Variants in CDH20 observed in about 807,000 individuals in gnomAD.
CDH20 encodes the protein cadherin-20.
A neutral mutation model predicts 74.2 loss-of-function variants in CDH20; 29 were observed. That is an observed-to-expected ratio of 0.39 (90% CI 0.29 to 0.53). The LOEUF (loss-of-function observed/expected upper bound fraction) is 0.53. CDH20 is among the 20% of genes least tolerant of loss of function. The probability of loss-of-function intolerance (pLI) is 0.69; values close to 1 mark genes in which losing one functional copy is unlikely to be tolerated. For synonymous variants in CDH20, 469 were observed against 405.4 expected (o/e 1.16, Z -1.88); for missense variants, 988 against 1,048.3 (o/e 0.94, Z 0.79).
chr18:61,402,315 C>T (rs1912181087), intron 1 of CDH20, among the ~76,000 whole-genome samples: 1 of 152,100 alleles, frequency 6.6e-6, no homozygotes, highest in South Asian at 2.1e-4. Flanking sequence ...GTAACTTGGG[C>T]CTCAGCAAAT....
intron 2 of CDH20, among the ~76,000 whole-genome samples, chr18:61,497,345 A>G (rs1202058099): frequency 6.6e-6 from 1 of 152,182 alleles, no homozygotes; most frequent in Non-Finnish European, 1.5e-5. Flanking sequence ...CACAACCTCC[A>G]AACCCATCCC....
chr18:61,542,378 G>A (rs948505190), intron 9 of CDH20, among the ~76,000 whole-genome samples: 1 of 152,206 alleles, frequency 6.6e-6, no homozygotes, highest in East Asian at 1.9e-4. Flanking sequence ...CCCTGAGATG[G>A]AGTTCCAGTA....
At chr18:61,355,864 A>C (rs919594583) in intron 1 of CDH20, among the ~76,000 whole-genome samples, 5 of 152,226 alleles carry the variant, frequency 3.3e-5, no homozygotes, top group Non-Finnish European at 5.9e-5. Context: ...AAGTCAGATA[A>C]AAGTCTTAGC....
chr18:61,528,450 C>CACATACAT (rs569065551), intron 7 of CDH20, among the ~76,000 whole-genome samples: 1 of 145,542 alleles, frequency 6.9e-6, no homozygotes, highest in Non-Finnish European at 1.5e-5. Flanking sequence ...GGTTGAGACA[C>CACATACAT]ACACACACAC....
At chr18:61,497,911 GCTGA>G (rs1340735510) in intron 2 of CDH20, among the ~76,000 whole-genome samples, 3 of 152,108 alleles carry the variant, frequency 2.0e-5, no homozygotes, top group African/African-American at 7.2e-5. Context: ...CAATGGAGTG[GCTGA>G]CTAAATTTAA....
intron 6 of CDH20, among the ~76,000 whole-genome samples, chr18:61,513,905 C>T (rs1318283469): frequency 2.6e-5 from 4 of 152,012 alleles, no homozygotes; most frequent in Middle Eastern, 3.4e-3. Flanking sequence ...GAGGGTAACC[C>T]GACCTTTCTC....
chr18:61,414,119 C>T (rs1055105055), intron 1 of CDH20, among the ~76,000 whole-genome samples: 5 of 152,046 alleles, frequency 3.3e-5, no homozygotes, highest in African/African-American at 9.7e-5. Flanking sequence ...GTCCCTCCAT[C>T]GTATTTTAGA....
chr18:61,461,300 G>A (rs1363853046), intron 1 of CDH20, among the ~76,000 whole-genome samples: 2 of 144,888 alleles, frequency 1.4e-5, no homozygotes, highest in Admixed American at 1.4e-4. Flanking sequence ...CTAAGTTGAC[G>A]TAACAAAGTA....
At chr18:61,368,649 A>G (rs1039815339) in intron 1 of CDH20, among the ~76,000 whole-genome samples, 1 of 152,100 alleles carries the variant, frequency 6.6e-6, no homozygotes, top group African/African-American at 2.4e-5. Context: ...TGGTGCTAAC[A>G]TTACATACCT....
chr18:61,511,557 T>C (rs927357507), intron 6 of CDH20, among the ~76,000 whole-genome samples: 3 of 152,208 alleles, frequency 2.0e-5, no homozygotes, highest in South Asian at 4.1e-4. Context: ...GGATTCTCAA[T>C]ATTTAAATGT....
At position 61,533,077 on chromosome 18, in the gene CDH20, T is replaced by G. The variant is rs572083603; in HGVS notation, c.1272-3416T>G. Among the ~76,000 whole-genome samples, 8 of 152,220 alleles carry G rather than the reference T, an allele frequency of 5.3e-5. No homozygotes were observed. The South Asian group carries it at 1.5e-3, about 28-fold the overall frequency. On this transcript the variant is annotated intron_variant, in intron 7 of 11. Coordinates refer to ENST00000262717, the MANE Select transcript of CDH20 (RefSeq NM_031891.4). ...AGGAAAATCACTTGAGGGTAGGAGT[T>G]TGAGGAGTTTGAGGCCAGCCTGGGC...
intron 6 of CDH20, among the ~76,000 whole-genome samples, chr18:61,521,492 G>T (rs1912205650): frequency 6.6e-6 from 1 of 151,238 alleles, no homozygotes; most frequent in Non-Finnish European, 1.5e-5. Context: ...TCTACCAGAG[G>T]TACAATGAGG....
At chr18:61,348,901 G>C (rs1910217855) in intron 1 of CDH20, among the ~76,000 whole-genome samples, 1 of 152,184 alleles carries the variant, frequency 6.6e-6, no homozygotes, top group African/African-American at 2.4e-5. Flanking sequence ...TTGTGGGGCA[G>C]TAAAGCAGGA....
chr18:61,374,094 T>C (rs1456800326), intron 1 of CDH20, among the ~76,000 whole-genome samples: 1 of 152,134 alleles, frequency 6.6e-6, no homozygotes, highest in Non-Finnish European at 1.5e-5. Context: ...TACAACAGTC[T>C]GTATTCAAAT....
chr18:61,536,724 T>C, intron 8 of CDH20, 95 bp downstream of exon 8: 4 of 1,080,388 alleles, frequency 3.7e-6, no homozygotes, highest in Non-Finnish European at 5.5e-6. Context: ...AAAAATTATA[T>C]CCTTTAAGGG....
At chr18:61,357,064 G>A (rs980991242) in intron 1 of CDH20, among the ~76,000 whole-genome samples, 33 of 152,252 alleles carry the variant, frequency 2.2e-4, no homozygotes, top group African/African-American at 7.9e-4. Context: ...AAAACAAATG[G>A]AAGGGACAAC....
At chr18:61,539,413 C>T (rs537925925) in intron 9 of CDH20, among the ~76,000 whole-genome samples, 2 of 152,114 alleles carry the variant, frequency 1.3e-5, no homozygotes, top group Admixed American at 6.5e-5. Flanking sequence ...TGAGACCAGC[C>T]TGGGCAACAT....
At chr18:61,405,013 T>C in intron 1 of CDH20, 2 of 704,364 alleles carry the variant, frequency 2.8e-6, no homozygotes, top group Non-Finnish European at 5.3e-6. Flanking sequence ...TTGACCAACA[T>C]TGCATAGTAC....
intron 2 of CDH20, among the ~76,000 whole-genome samples, chr18:61,497,123 G>T (rs1051106086): frequency 2.8e-5 from 3 of 105,474 alleles, no homozygotes; most frequent in Non-Finnish European, 6.3e-5. Flanking sequence ...AAGAAAGAAA[G>T]AAAAAAGAAA....
Sources: gnomAD v4.1 joint callset for allele counts (sites outside exome capture counted in the v4.1 genomes callset) on GRCh38, gnomAD v4.1.1 for gene constraint, MANE v1.5 for transcripts, NCBI Gene and HGNC (gene_info 2026-07-23, HGNC 2026-07-21) for gene names.